Variants in CDC40 observed in about 807,000 individuals in gnomAD.
The protein encoded by CDC40 is pre-mRNA-processing factor 17.
A neutral mutation model predicts 80.6 loss-of-function variants in CDC40; 27 were observed. That is an observed-to-expected ratio of 0.33 (90% confidence interval 0.25 to 0.46). The LOEUF is 0.46. Ranked by LOEUF, CDC40 falls within the 20% of genes least tolerant of loss-of-function variation. The probability of loss-of-function intolerance (pLI) is 1.00; values close to 1 mark genes in which losing one functional copy is unlikely to be tolerated. For missense variants in CDC40, 486 were observed against 694.1 expected (o/e 0.70, Z 3.37); for synonymous variants, 221 against 232.6 (o/e 0.95, Z 0.45).
At chr6:110,220,736 C>A (rs150828920) in intron 12 of CDC40, among the ~76,000 whole-genome samples, 11 of 152,114 alleles carry the variant, frequency 7.2e-5, no homozygotes, top group African/African-American at 2.4e-4. Flanking sequence ...TGAGCCACTG[C>A]ACCCAGCCAG....
chr6:110,230,023 T>C lies in CDC40; in HGVS notation c.1632T>C (p.Ser544=). 1 of 1,612,566 alleles carries C rather than the reference T, an allele frequency of 6.2e-7. No individual in the cohort carries two copies. Among genetic ancestry groups the C allele is most frequent in the Non-Finnish European group, 8.5e-7 (1 of 1,178,772 alleles). ...ACTGGAAGACCACAAAACTCTACAGTCGATTTAAAGCTCATGATAAAGTGT... is the reference window on the plus strand; with the variant it reads ...ACTGGAAGACCACAAAACTCTACAGCCGATTTAAAGCTCATGATAAAGTGT... The part of the protein sequence containing the change: ...IWDWKTTKLY[S]RFKAHDKVCI... The change falls in exon 15 of 15, where the codon AGT becomes AGC. Residue 544 remains serine, a synonymous_variant. Coordinates refer to ENST00000307731, the MANE Select transcript of CDC40 (RefSeq NM_015891.3).
chr6:110,196,827 C>G (rs980418283), intron 2 of CDC40, among the ~76,000 whole-genome samples: 2 of 140,698 alleles, frequency 1.4e-5, no homozygotes, highest in African/African-American at 6.2e-5. Context: ...GGGATCTTCT[C>G]TTAATTTGCA....
chr6:110,187,454 A>G (rs1466957053), intron 1 of CDC40, among the ~76,000 whole-genome samples: 2 of 152,132 alleles, frequency 1.3e-5, no homozygotes, highest in Non-Finnish European at 2.9e-5. Context: ...GGTATTTCCT[A>G]TATTTGTGAG....
chr6:110,192,307 T>C (rs1423647523), intron 1 of CDC40, among the ~76,000 whole-genome samples: 2 of 152,204 alleles, frequency 1.3e-5, no homozygotes, highest in African/African-American at 4.8e-5. Context: ...TCTGGATTTA[T>C]GTAGAAGGTA....
chr6:110,189,310 C>T (rs1168548654), intron 1 of CDC40, among the ~76,000 whole-genome samples: 31 of 152,118 alleles, frequency 2.0e-4, no homozygotes, highest in Admixed American at 2.0e-3. Context: ...AGTCTATTGT[C>T]TGTCTCCTCC....
intron 3 of CDC40, among the ~76,000 whole-genome samples, chr6:110,203,170 C>G (rs1777514996): frequency 6.6e-6 from 1 of 152,042 alleles, no homozygotes; most frequent in Non-Finnish European, 1.5e-5. Flanking sequence ...TAAATAAGAT[C>G]AGTCTTGTCT....
chr6:110,201,633 G>C lies in CDC40; in HGVS notation c.352G>C (p.Ala118Pro). ...TATGCTTTCTGGATATGCCGAACCAGCTCATATCAATGATTTCATGTTTGA... is the reference window on the plus strand; with the variant it reads ...TATGCTTTCTGGATATGCCGAACCACCTCATATCAATGATTTCATGTTTGA... ...RNMLSGYAEP[A>P]HINDFMFEQQ... The change falls in exon 3 of 15, where the codon GCT becomes CCT. Residue 118 changes from alanine (A) to proline (P), a missense_variant. This residue lies in a region of CDC40 where 381 missense variants were observed against 492.1 expected (regional missense o/e 0.77). Transcript: ENST00000307731. The C allele has an allele frequency of 6.2e-7, 1 of 1,613,066 alleles. No individual in the cohort carries two copies. Among genetic ancestry groups the C allele is most frequent in the Middle Eastern group, 1.7e-4 (1 of 6,054 alleles).
At chr6:110,225,021 T>C (rs1226274451) in intron 12 of CDC40, among the ~76,000 whole-genome samples, 1 of 152,204 alleles carries the variant, frequency 6.6e-6, no homozygotes, top group African/African-American at 2.4e-5. Context: ...ATTGGTACCA[T>C]AGAGGTATAA....
intron 2 of CDC40, among the ~76,000 whole-genome samples, chr6:110,197,961 AG>A (rs1228708357): frequency 1.3e-5 from 2 of 152,032 alleles, no homozygotes; most frequent in Non-Finnish European, 2.9e-5. Context: ...TAATTTTTTG[AG>A]GAGCCTCCAT....
At chr6:110,191,828 G>A (rs79512580) in intron 1 of CDC40, among the ~76,000 whole-genome samples, 53 of 152,230 alleles carry the variant, frequency 3.5e-4, no homozygotes, top group Admixed American at 8.5e-4. Context: ...ACTCAACTCC[G>A]TCATTTTATG....
At chr6:110,201,893 T>C (rs1777497450) in intron 3 of CDC40, among the ~76,000 whole-genome samples, 1 of 152,208 alleles carries the variant, frequency 6.6e-6, no homozygotes, top group Non-Finnish European at 1.5e-5. Flanking sequence ...TCCACTGTGA[T>C]TTCTGAGTAC....
Position 110,180,428 on chromosome 6 carries a change from G to A in CDC40, c.-17G>A, listed in dbSNP as rs779568540. 1.2e-6 allele frequency: 2 copies of A among 1,613,682 alleles called. No individual in the cohort carries two copies. The highest frequency in any genetic ancestry group is 1.3e-5 in the African/African-American group (1 of 74,938). Reference sequence around the variant, plus strand: ...CTTCCGCCCTGGCAGGGTCTCCGCAGAAGATTTGTTGCCGTCATGTCGGCT... The same window carrying A: ...CTTCCGCCCTGGCAGGGTCTCCGCAAAAGATTTGTTGCCGTCATGTCGGCT... On this transcript the variant is annotated 5_prime_UTR_variant, in exon 1 of 15. Coordinates refer to ENST00000307731, the MANE Select transcript of CDC40 (RefSeq NM_015891.3).
chr6:110,212,177 C>A lies in CDC40; in HGVS notation c.772C>A (p.Pro258Thr). 1 of 1,613,178 alleles carries A rather than the reference C, an allele frequency of 6.2e-7. No homozygotes were observed. The highest frequency in any genetic ancestry group is 8.5e-7 in the Non-Finnish European group (1 of 1,179,178). Residue 258 changes from proline to threonine, a missense_variant, in exon 7 of 15, where the codon CCT (proline) becomes ACT (threonine). Physicochemically the swap from Pro to Thr is conservative, Grantham distance 38. Transcript: ENST00000307731. Reference protein sequence around the residue: ...DYQGRSYLHIPQDVGVNLRST... With the variant: ...DYQGRSYLHITQDVGVNLRST... ...TCAAGGCAGGTCCTATCTTCACATA[C>A]CTCAGGATGTTGGTGTTAATCTACG...
intron 13 of CDC40, 134 bp from the exon 14 acceptor site, chr6:110,228,698 G>A (rs985415733): frequency 4.8e-6 from 3 of 620,192 alleles, no homozygotes; most frequent in Non-Finnish European, 7.8e-6. Flanking sequence ...AGGTGGTATA[G>A]TAAATTTATT....
intron 2 of CDC40, among the ~76,000 whole-genome samples, chr6:110,195,809 G>C (rs1757454029): frequency 6.6e-6 from 1 of 152,166 alleles, no homozygotes; most frequent in Non-Finnish European, 1.5e-5. Context: ...AGAATTGAGA[G>C]ATAAGACTAG....
intron 1 of CDC40, among the ~76,000 whole-genome samples, chr6:110,183,172 T>A (rs1349890909): frequency 2.0e-5 from 3 of 152,206 alleles, no homozygotes; most frequent in African/African-American, 7.2e-5. Context: ...TTAGCCCCTT[T>A]ATCATATCTT....
intron 1 of CDC40, among the ~76,000 whole-genome samples, chr6:110,181,667 C>G (rs1005578220): frequency 1.3e-5 from 2 of 152,232 alleles, no homozygotes; most frequent in African/African-American, 4.8e-5. Context: ...CAGTAACCTC[C>G]TGAGTCTTCT....
intron 13 of CDC40, among the ~76,000 whole-genome samples, chr6:110,227,906 A>G (rs1190051549): frequency 6.6e-6 from 1 of 152,228 alleles, no homozygotes; most frequent in Non-Finnish European, 1.5e-5. Context: ...ACAGATACCA[A>G]GGGATGACTA....
At chr6:110,190,875 C>A (rs1433974212) in intron 1 of CDC40, among the ~76,000 whole-genome samples, 1 of 152,162 alleles carries the variant, frequency 6.6e-6, no homozygotes, top group Non-Finnish European at 1.5e-5. Flanking sequence ...CCCGGCATGA[C>A]CTCCTCCAGC....
Sources: gnomAD v4.1 joint callset for allele counts (sites outside exome capture counted in the v4.1 genomes callset) on GRCh38, gnomAD v4.1.1 for gene constraint, gnomAD v4.1.1 regional missense constraint, MANE v1.5 for transcripts, NCBI Gene and HGNC (gene_info 2026-07-23, HGNC 2026-07-21) for gene names.